The following AGBL4 variants were observed in gnomAD, a reference collection of about 807,000 sequenced individuals.
AGBL4 encodes cytosolic carboxypeptidase 6.
AGBL4 carries 58 observed loss-of-function variants against 66.4 expected under a neutral mutation model. The ratio of observed to expected loss-of-function variants is 0.87; its 90% CI spans 0.71 to 1.09. The LOEUF is 1.09. Among genes scored for constraint, AGBL4 ranks in the 50% least tolerant of loss-of-function variants. The pLI is 0.00. For missense variants in AGBL4, 579 were observed against 631.0 expected (o/e 0.92, Z 0.88); for synonymous variants, 234 against 222.9 (o/e 1.05, Z -0.44).
At chr1:49,489,713 G>A (rs1345367719) in intron 3 of AGBL4, among the ~76,000 whole-genome samples, 1 of 151,540 alleles carries the variant, frequency 6.6e-6, no homozygotes, top group Non-Finnish European at 1.5e-5. Flanking sequence ...TTTTTATATG[G>A]CAAGAGATAA....
At chr1:49,891,266 T>A (rs1648616258) in intron 1 of AGBL4, among the ~76,000 whole-genome samples, 1 of 152,000 alleles carries the variant, frequency 6.6e-6, no homozygotes, top group African/African-American at 2.4e-5. Context: ...TGGAAAAAAA[T>A]AAGTGAGCAA....
intron 2 of AGBL4, chr1:49,845,593 T>G: frequency 6.2e-7 from 1 of 1,606,226 alleles, no homozygotes; most frequent in Non-Finnish European, 8.5e-7. Context: ...GTGCCATGAG[T>G]GTGGAAAAGC....
At chr1:48,826,398 G>A (rs1023009751) in intron 6 of AGBL4, among the ~76,000 whole-genome samples, 4 of 152,184 alleles carry the variant, frequency 2.6e-5, no homozygotes, top group African/African-American at 9.7e-5. Flanking sequence ...GGCATTCTGG[G>A]CCAGAGAACT....
chr1:48,650,751 G>A (rs1162393807), intron 8 of AGBL4, among the ~76,000 whole-genome samples: 3 of 152,182 alleles, frequency 2.0e-5, no homozygotes, highest in East Asian at 3.8e-4. Flanking sequence ...CATAACACTG[G>A]TTACAGGGAG....
intron 3 of AGBL4, among the ~76,000 whole-genome samples, chr1:49,412,177 G>A (rs539817746): frequency 6.6e-6 from 1 of 152,098 alleles, no homozygotes; most frequent in South Asian, 2.1e-4. Context: ...CCATAGACTG[G>A]GTGGCTTATA....
chr1:49,000,996 C>T (rs1661354480), intron 5 of AGBL4, among the ~76,000 whole-genome samples: 1 of 152,130 alleles, frequency 6.6e-6, no homozygotes, highest in South Asian at 2.1e-4. Flanking sequence ...GGGTTGAGTG[C>T]CGGGCTCTTT....
intron 2 of AGBL4, among the ~76,000 whole-genome samples, chr1:49,779,066 T>A (rs548792077): frequency 1.3e-5 from 2 of 152,152 alleles, no homozygotes; most frequent in African/African-American, 4.8e-5. Context: ...AACAGAAAAT[T>A]ATATCAATAG....
intron 1 of AGBL4, among the ~76,000 whole-genome samples, chr1:49,941,037 A>T (rs1654706636): frequency 6.6e-6 from 1 of 152,160 alleles, no homozygotes; most frequent in African/African-American, 2.4e-5. Context: ...TACTATGAAC[A>T]ATTATGAGCC....
At chr1:49,283,371 A>ACATCACCATCATCAAAGAC (rs1644324594) in intron 3 of AGBL4, among the ~76,000 whole-genome samples, 1 of 152,240 alleles carries the variant, frequency 6.6e-6, no homozygotes, top group Admixed American at 6.5e-5. Context: ...ACCCATCTGT[A>ACATCACCATCATCAAAGAC]CATCACCATC....
chr1:49,838,150 T>A (rs558090366), intron 2 of AGBL4, among the ~76,000 whole-genome samples: 3 of 152,124 alleles, frequency 2.0e-5, no homozygotes, highest in South Asian at 4.2e-4. Flanking sequence ...AACACAGAGA[T>A]TAACAACAGT....
Position 48,838,038 on chromosome 1 carries a change from A to C in AGBL4, c.634+29153T>G, listed in dbSNP as rs111321688. On this transcript the variant is annotated intron_variant, in intron 6 of 13. Transcript: ENST00000371839. ...GGCAGACCAAGTAGGCAGCTATTAC[A>C]GTAGTCCAGGCAAGAGGGGGATTGG... Among the ~76,000 whole-genome samples the C allele has an allele frequency of 6.4e-3, 981 of 152,094 alleles. 12 individuals carry two copies. The highest frequency in any genetic ancestry group is 0.018 in the African/African-American group (734 of 41,512).
intron 8 of AGBL4, among the ~76,000 whole-genome samples, chr1:48,642,146 G>A (rs903989461): frequency 6.6e-6 from 1 of 152,220 alleles, no homozygotes; most frequent in East Asian, 1.9e-4. Flanking sequence ...TTTGTACAGT[G>A]TACAAACTGC....
intron 2 of AGBL4, among the ~76,000 whole-genome samples, chr1:49,838,188 A>G (rs1645901134): frequency 6.6e-6 from 1 of 152,234 alleles, no homozygotes; most frequent in African/African-American, 2.4e-5. Flanking sequence ...CTCATAGACA[A>G]AAGGGCAAAG....
intron 3 of AGBL4, among the ~76,000 whole-genome samples, chr1:49,341,593 C>G (rs932315845): frequency 1.3e-5 from 2 of 152,166 alleles, no homozygotes; most frequent in African/African-American, 4.8e-5. Context: ...AGATTTGGCA[C>G]TATAGGATGT....
intron 3 of AGBL4, among the ~76,000 whole-genome samples, chr1:49,571,556 C>A (rs1644331307): frequency 6.6e-6 from 1 of 151,982 alleles, no homozygotes; most frequent in Admixed American, 6.6e-5. Context: ...TGATTTGAGG[C>A]CTTTTATTTG....
chr1:49,738,802 A>G (rs760512483), intron 2 of AGBL4, among the ~76,000 whole-genome samples: 1 of 152,204 alleles, frequency 6.6e-6, no homozygotes, highest in Non-Finnish European at 1.5e-5. Flanking sequence ...CAGGGTCTGG[A>G]GTGGACCTCT....
At chr1:49,572,307 A>G (rs1401162671) in intron 3 of AGBL4, among the ~76,000 whole-genome samples, 1 of 152,158 alleles carries the variant, frequency 6.6e-6, no homozygotes, top group Non-Finnish European at 1.5e-5. Context: ...GAGGCTGTCC[A>G]TTTCTAAGAT....
intron 5 of AGBL4, among the ~76,000 whole-genome samples, chr1:49,012,293 A>G (rs1256552773): frequency 6.6e-6 from 1 of 152,196 alleles, no homozygotes; most frequent in Non-Finnish European, 1.5e-5. Flanking sequence ...GGGAAAATAT[A>G]GAGACAAAGA....
At chr1:49,516,354 G>A (rs1649823698) in intron 3 of AGBL4, among the ~76,000 whole-genome samples, 2 of 152,028 alleles carry the variant, frequency 1.3e-5, no homozygotes, top group African/African-American at 4.8e-5. Flanking sequence ...GTTCTCCAAA[G>A]AAGGTAACAA....
Sources: gnomAD v4.1 joint callset for allele counts (sites outside exome capture counted in the v4.1 genomes callset) on GRCh38, gnomAD v4.1.1 for gene constraint, MANE v1.5 for transcripts, NCBI Gene and HGNC (gene_info 2026-07-23, HGNC 2026-07-21) for gene names.